NEK11: variants seen among roughly 807,000 people sequenced by gnomAD.
The protein encoded by NEK11 is NIMA related kinase 11, also known as serine/threonine-protein kinase Nek11.
Under a neutral mutation model 80.7 loss-of-function variants are expected in NEK11, and 72 were observed. The observed-to-expected ratio is 0.89, with a 90% CI of 0.74 to 1.08. The LOEUF (loss-of-function observed/expected upper bound fraction) is 1.08, where lower values mean the gene tolerates loss of function less well. Ranked by LOEUF, NEK11 falls within the 50% of genes least tolerant of loss-of-function variation. The pLI is 0.00. For missense variants in NEK11, 764 were observed against 763.6 expected (o/e 1.00, Z -0.01); for synonymous variants, 251 against 260.7 (o/e 0.96, Z 0.36).
chr3:131,090,715 G>T (rs2076600135), intron 4 of NEK11, among the ~76,000 whole-genome samples: 1 of 152,144 alleles, frequency 6.6e-6, no homozygotes, highest in African/African-American at 2.4e-5. Flanking sequence ...AAATCTTTGA[G>T]TGACTTGTCT....
At chr3:131,199,205 A>G (rs2094139539) in intron 14 of NEK11, among the ~76,000 whole-genome samples, 2 of 152,222 alleles carry the variant, frequency 1.3e-5, no homozygotes, top group Admixed American at 1.3e-4. Context: ...CTTACAATAT[A>G]TACAGGTTAT....
intron 14 of NEK11, among the ~76,000 whole-genome samples, chr3:131,176,921 G>A (rs1206462537): frequency 6.6e-6 from 1 of 152,142 alleles, no homozygotes; most frequent in Non-Finnish European, 1.5e-5. Context: ...GCATCCTTAA[G>A]TGGCCTTGCT....
intron 16 of NEK11, among the ~76,000 whole-genome samples, chr3:131,255,050 G>GAGAC (rs59934459): frequency 2.9e-4 from 39 of 132,736 alleles, no homozygotes; most frequent in African/African-American, 7.5e-4. Context: ...GAGAGAGAGA[G>GAGAC]AGACAGACAG....
At chr3:131,165,021 T>G (rs1159759262) in intron 11 of NEK11, among the ~76,000 whole-genome samples, 1 of 152,228 alleles carries the variant, frequency 6.6e-6, no homozygotes, top group Admixed American at 6.5e-5. Context: ...AGATATTTCC[T>G]CATAAATCCT....
At chr3:131,281,105 A>G (rs961267891) in intron 17 of NEK11, among the ~76,000 whole-genome samples, 3 of 152,112 alleles carry the variant, frequency 2.0e-5, no homozygotes, top group Non-Finnish European at 4.4e-5. Context: ...ATGTGTGGGT[A>G]TACACAGGTT....
At chr3:131,171,020 G>A in intron 14 of NEK11, 133 bp downstream of exon 14, 1 of 739,702 alleles carries the variant, frequency 1.4e-6, no homozygotes, top group South Asian at 1.5e-5. Context: ...GTTTACCAGG[G>A]CTGGGCTATG....
chr3:131,307,590 A>T (rs2096735540), intron 17 of NEK11, among the ~76,000 whole-genome samples: 1 of 152,212 alleles, frequency 6.6e-6, no homozygotes, highest in African/African-American at 2.4e-5. Context: ...AGGGAAGGTG[A>T]GGAAGTCAGT....
At chr3:131,181,347 T>C (rs1433477053) in intron 14 of NEK11, among the ~76,000 whole-genome samples, 1 of 152,138 alleles carries the variant, frequency 6.6e-6, no homozygotes, top group East Asian at 1.9e-4. Flanking sequence ...GGGAAGGAAA[T>C]GTATTCTTCC....
At chr3:131,105,166 A>G (rs1158564110) in intron 4 of NEK11, among the ~76,000 whole-genome samples, 1 of 152,190 alleles carries the variant, frequency 6.6e-6, no homozygotes, top group Non-Finnish European at 1.5e-5. Context: ...TAACTTTCTT[A>G]ATTATCTTGA....
chr3:131,072,739 A>C (rs1449810427), intron 3 of NEK11, among the ~76,000 whole-genome samples: 1 of 152,072 alleles, frequency 6.6e-6, no homozygotes, highest in Non-Finnish European at 1.5e-5. Context: ...AAGGGAATCC[A>C]CTCATATTGT....
intron 15 of NEK11, among the ~76,000 whole-genome samples, chr3:131,237,799 A>G (rs2095455940): frequency 1.3e-5 from 2 of 152,096 alleles, no homozygotes; most frequent in African/African-American, 4.8e-5. Flanking sequence ...CCTTTCACTC[A>G]CATTCATATC....
At position 131,171,344 on chromosome 3, in the gene NEK11, G is replaced by A. The variant is rs141084917; in HGVS notation, c.1399+457G>A. ...TGCTCAGAGCAGGAATACAAAGGGAGGCCTGTAGGATGGCTGACTTTGCTA... is the reference window on the plus strand; with the variant it reads ...TGCTCAGAGCAGGAATACAAAGGGAAGCCTGTAGGATGGCTGACTTTGCTA... On this transcript the variant is annotated intron_variant, in intron 14 of 17. Coordinates refer to ENST00000383366, the MANE Select transcript of NEK11 (RefSeq NM_024800.5). 1.4e-4 allele frequency among the ~76,000 whole-genome samples: 22 copies of A among 152,322 alleles called. No individual in the cohort carries two copies. The East Asian group carries it at 3.7e-3, about 25-fold the overall frequency.
chr3:131,337,798 C>A (rs892655391), intron 17 of NEK11, among the ~76,000 whole-genome samples: 2 of 152,168 alleles, frequency 1.3e-5, no homozygotes, highest in African/African-American at 4.8e-5. Flanking sequence ...TCTGAACCCC[C>A]CCTCCATGTA....
chr3:131,158,216 G>A (rs2091011466), intron 10 of NEK11, among the ~76,000 whole-genome samples: 1 of 152,132 alleles, frequency 6.6e-6, no homozygotes, highest in Admixed American at 6.5e-5. Flanking sequence ...AATCATGCCT[G>A]ACTGGAGGAG....
At chr3:131,133,468 C>G (rs2084934349) in intron 6 of NEK11, 1 of 287,074 alleles carries the variant, frequency 3.5e-6, no homozygotes, top group Non-Finnish European at 6.7e-6. Flanking sequence ...AATTCTTCTC[C>G]CCTCAGGTGA....
intron 14 of NEK11, among the ~76,000 whole-genome samples, chr3:131,214,788 T>G (rs2094763139): frequency 6.6e-6 from 1 of 151,784 alleles, no homozygotes; most frequent in African/African-American, 2.4e-5. Context: ...AGAGAGGCAC[T>G]TACAGCAGAA....
intron 15 of NEK11, among the ~76,000 whole-genome samples, chr3:131,241,539 A>T (rs2095519281): frequency 6.6e-6 from 1 of 152,122 alleles, no homozygotes; most frequent in African/African-American, 2.4e-5. Flanking sequence ...AATGCAGTCT[A>T]TTGATGTCAT....
At chr3:131,070,652 T>A (rs2073116289) in intron 3 of NEK11, among the ~76,000 whole-genome samples, 1 of 152,196 alleles carries the variant, frequency 6.6e-6, no homozygotes, top group African/African-American at 2.4e-5. Context: ...TTTTCTTTAA[T>A]GCTAGGGAAG....
chr3:131,130,230 C>T (rs2084179144), intron 5 of NEK11, among the ~76,000 whole-genome samples: 1 of 152,026 alleles, frequency 6.6e-6, no homozygotes, highest in Non-Finnish European at 1.5e-5. Flanking sequence ...TCAAATTCTA[C>T]TTGTTCATTG....
Sources: gnomAD v4.1 joint callset for allele counts (sites outside exome capture counted in the v4.1 genomes callset) on GRCh38, gnomAD v4.1.1 for gene constraint, MANE v1.5 for transcripts, NCBI Gene and HGNC (gene_info 2026-07-23, HGNC 2026-07-21) for gene names.